Variants in PLCXD3 observed in about 807,000 individuals in gnomAD.
PLCXD3 encodes PI-PLC X domain-containing protein 3.
Under a neutral mutation model 25.5 loss-of-function variants are expected in PLCXD3, and 19 were observed. The observed-to-expected ratio is 0.75, with a 90% confidence interval of 0.52 to 1.09. The LOEUF is 1.09. PLCXD3 is among the 50% of genes least tolerant of loss of function. The pLI is 0.00. For synonymous variants in PLCXD3, 174 were observed against 137.6 expected (o/e 1.26, Z -1.85); for missense variants, 411 against 388.1 (o/e 1.06, Z -0.50).
chr5:41,472,396 T>G (rs2150520422), intron 1 of PLCXD3, among the ~76,000 whole-genome samples: 1 of 152,318 alleles, frequency 6.6e-6, no homozygotes, highest in Middle Eastern at 3.4e-3. Flanking sequence ...CTAACTATAC[T>G]GTTTTTCTCA....
At chr5:41,503,696 G>A (rs1328541999) in intron 1 of PLCXD3, among the ~76,000 whole-genome samples, 1 of 152,076 alleles carries the variant, frequency 6.6e-6, no homozygotes, top group Non-Finnish European at 1.5e-5. Context: ...CTTCCTTCTG[G>A]AATATATGAT....
At chr5:41,343,218 G>A (rs1447378363) in intron 2 of PLCXD3, among the ~76,000 whole-genome samples, 1 of 151,910 alleles carries the variant, frequency 6.6e-6, no homozygotes, top group Non-Finnish European at 1.5e-5. Flanking sequence ...AGTACATGAG[G>A]ACCACTTTAT....
At chr5:41,409,617 C>T (rs1233533753) in intron 1 of PLCXD3, among the ~76,000 whole-genome samples, 2 of 152,086 alleles carry the variant, frequency 1.3e-5, no homozygotes, top group Non-Finnish European at 2.9e-5. Flanking sequence ...TATTTAGTTG[C>T]ATATTTGCTT....
chr5:41,459,273 A>C (rs1747822108), intron 1 of PLCXD3, among the ~76,000 whole-genome samples: 1 of 151,870 alleles, frequency 6.6e-6, no homozygotes. Context: ...AATGTCATTC[A>C]GGCTAGACAA....
At chr5:41,351,730 T>C (rs1033414870) in intron 2 of PLCXD3, among the ~76,000 whole-genome samples, 11 of 152,326 alleles carry the variant, frequency 7.2e-5, no homozygotes, top group African/African-American at 2.6e-4. Context: ...TTGCTTATCA[T>C]TGATTCAATG....
chr5:41,331,484 G>C (rs1743802257), intron 2 of PLCXD3, among the ~76,000 whole-genome samples: 1 of 152,180 alleles, frequency 6.6e-6, no homozygotes, highest in South Asian at 2.1e-4. Flanking sequence ...TTATGGGTAA[G>C]GAGAGTCAAT....
At chr5:41,501,737 G>A (rs183070954) in intron 1 of PLCXD3, among the ~76,000 whole-genome samples, 1 of 152,180 alleles carries the variant, frequency 6.6e-6, no homozygotes. Flanking sequence ...GTGCTAAGAA[G>A]CCAAAGGAAG....
At chr5:41,429,003 C>T (rs970908779) in intron 1 of PLCXD3, among the ~76,000 whole-genome samples, 3 of 152,036 alleles carry the variant, frequency 2.0e-5, no homozygotes, top group Admixed American at 1.3e-4. Context: ...CTGGAAGACA[C>T]GGCATCTATT....
chr5:41,505,601 A>G (rs10075789), intron 1 of PLCXD3, among the ~76,000 whole-genome samples: 16,624 of 152,224 alleles, frequency 0.11, 1,288 homozygotes, highest in African/African-American at 0.22. Flanking sequence ...TGGACAAAGA[A>G]CCAATATAGA....
intron 1 of PLCXD3, among the ~76,000 whole-genome samples, chr5:41,479,970 A>T (rs950521995): frequency 9.2e-5 from 14 of 152,146 alleles, no homozygotes; most frequent in African/African-American, 3.4e-4. Context: ...AAAAGAATCT[A>T]GTAGAATTTA....
intron 1 of PLCXD3, among the ~76,000 whole-genome samples, chr5:41,468,792 A>G (rs1443439053): frequency 6.6e-6 from 1 of 152,124 alleles, no homozygotes; most frequent in African/African-American, 2.4e-5. Flanking sequence ...GATTTTTTAT[A>G]TGTAAGGTTA....
chr5:41,501,151 C>A (rs1044681604), intron 1 of PLCXD3, among the ~76,000 whole-genome samples: 1 of 151,962 alleles, frequency 6.6e-6, no homozygotes, highest in South Asian at 2.1e-4. Flanking sequence ...AATGGAATTA[C>A]GTCGAAATTT....
intron 1 of PLCXD3, among the ~76,000 whole-genome samples, chr5:41,479,247 CAT>C (rs1748344082): frequency 1.3e-5 from 2 of 152,272 alleles, no homozygotes; most frequent in South Asian, 4.1e-4. Context: ...ACAAATATTA[CAT>C]GATTCAATTT....
At chr5:41,472,566 T>G (rs1454488124) in intron 1 of PLCXD3, among the ~76,000 whole-genome samples, 1 of 152,238 alleles carries the variant, frequency 6.6e-6, no homozygotes, top group African/African-American at 2.4e-5. Context: ...ATAATTAAAG[T>G]AGGCACTTAA....
intron 1 of PLCXD3, among the ~76,000 whole-genome samples, chr5:41,503,851 C>T (rs994176555): frequency 1.5e-4 from 23 of 152,160 alleles, no homozygotes; most frequent in Non-Finnish European, 7.4e-5. Flanking sequence ...ATCATGGTGG[C>T]ATGTTCTCTG....
At chr5:41,488,786 TTC>T (rs1490079353) in intron 1 of PLCXD3, among the ~76,000 whole-genome samples, 1 of 147,502 alleles carries the variant, frequency 6.8e-6, no homozygotes, top group African/African-American at 2.5e-5. Context: ...GTTTGTTTTT[TTC>T]TTGTAAATTT....
At chr5:41,444,634 AGAT>A (rs1192087356) in intron 1 of PLCXD3, among the ~76,000 whole-genome samples, 2 of 152,222 alleles carry the variant, frequency 1.3e-5, no homozygotes, top group Non-Finnish European at 2.9e-5. Flanking sequence ...AATTAATAAA[AGAT>A]GACACATTTT....
intron 1 of PLCXD3, among the ~76,000 whole-genome samples, chr5:41,474,782 C>T (rs755699876): frequency 2.0e-5 from 3 of 152,178 alleles, no homozygotes; most frequent in African/African-American, 4.8e-5. Flanking sequence ...CCTGGGACTA[C>T]AGTAATTCCC....
intron 1 of PLCXD3, among the ~76,000 whole-genome samples, chr5:41,442,160 G>C (rs2150511865): frequency 6.6e-6 from 1 of 152,308 alleles, no homozygotes; most frequent in Non-Finnish European, 1.5e-5. Flanking sequence ...TTATTAAAAA[G>C]AGTAAGCCCT....
Sources: gnomAD v4.1 joint callset for allele counts (sites outside exome capture counted in the v4.1 genomes callset) on GRCh38, gnomAD v4.1.1 for gene constraint, MANE v1.5 for transcripts, NCBI Gene and HGNC (gene_info 2026-07-23, HGNC 2026-07-21) for gene names.